AMPH: variants seen among roughly 807,000 people sequenced by gnomAD.
AMPH encodes the protein amphiphysin.
AMPH carries 49 observed loss-of-function variants against 99.1 expected under a neutral mutation model. That is an observed-to-expected ratio of 0.49 (90% CI 0.39 to 0.63). The LOEUF is 0.63. AMPH is among the 20% of genes least tolerant of loss of function. The pLI is 0.00. For synonymous variants in AMPH, 314 were observed against 317.3 expected, an observed-to-expected ratio of 0.99 and a Z score of 0.11; for missense variants, 759 against 863.4, an observed-to-expected ratio of 0.88 and a Z score of 1.52.
intron 17 of AMPH, among the ~76,000 whole-genome samples, chr7:38,403,133 G>A (rs926184424): frequency 3.3e-5 from 5 of 152,096 alleles, no homozygotes; most frequent in African/African-American, 9.7e-5. Context: ...AGTTACAGAC[G>A]AGTGGCCATG....
At chr7:38,532,349 G>A (rs1790431959) in intron 2 of AMPH, among the ~76,000 whole-genome samples, 1 of 152,076 alleles carries the variant, frequency 6.6e-6, no homozygotes, top group Non-Finnish European at 1.5e-5. Flanking sequence ...TATTTTCAAA[G>A]TGAACCAAAT....
chr7:38,608,724 G>T lies in AMPH; in HGVS notation c.69+22559C>A, dbSNP rs73126178. Among the ~76,000 whole-genome samples the T allele has an allele frequency of 8.4e-3, 1,280 of 152,300 alleles. 11 individuals are homozygous for T. The highest frequency in any genetic ancestry group is 0.014 in the Non-Finnish European group (981 of 68,038). On this transcript the variant is annotated intron_variant, in intron 1 of 20. Transcript: ENST00000356264. ...GCAAGAAGTGATGGTGGAAGGCCTGGCCCCCAGACACTGTCATCTGTGGTG... is the reference window on the plus strand; with the variant it reads ...GCAAGAAGTGATGGTGGAAGGCCTGTCCCCCAGACACTGTCATCTGTGGTG...
intron 1 of AMPH, among the ~76,000 whole-genome samples, chr7:38,551,720 A>G (rs1354371935): frequency 6.6e-6 from 1 of 152,168 alleles, no homozygotes; most frequent in Non-Finnish European, 1.5e-5. Context: ...TGCTAAGGAA[A>G]GAGGAGAGAG....
intron 1 of AMPH, among the ~76,000 whole-genome samples, chr7:38,571,372 A>G (rs1181311380): frequency 1.3e-5 from 1 of 76,462 alleles, no homozygotes; most frequent in African/African-American, 6.2e-5. Context: ...GAATATATAT[A>G]TTTTTATATA....
intron 17 of AMPH, among the ~76,000 whole-genome samples, chr7:38,398,568 G>C (rs2128978188): frequency 6.6e-6 from 1 of 152,218 alleles, no homozygotes; most frequent in South Asian, 2.1e-4. Context: ...GAAGTAGGGG[G>C]GATGGTTAAT....
intron 1 of AMPH, among the ~76,000 whole-genome samples, chr7:38,619,297 C>T (rs1793975448): frequency 1.3e-5 from 2 of 152,132 alleles, no homozygotes; most frequent in Non-Finnish European, 2.9e-5. Context: ...AAAGTTACTA[C>T]TAGAGACAAA....
At chr7:38,493,281 C>T (rs1352796290) in intron 4 of AMPH, among the ~76,000 whole-genome samples, 2 of 152,148 alleles carry the variant, frequency 1.3e-5, no homozygotes, top group African/African-American at 4.8e-5. Flanking sequence ...GCTGCAATAA[C>T]TCACCTGGAG....
intron 5 of AMPH, among the ~76,000 whole-genome samples, chr7:38,484,949 A>G (rs912017812): frequency 6.6e-6 from 1 of 151,946 alleles, no homozygotes; most frequent in Non-Finnish European, 1.5e-5. Flanking sequence ...TAAATTCTGT[A>G]ATAACCACAA....
Position 38,451,942 on chromosome 7 carries a change from T to A in AMPH, c.1017+9341A>T, listed in dbSNP as rs1787054184. 2.0e-5 allele frequency among the ~76,000 whole-genome samples: 3 copies of A among 152,254 alleles called. No homozygotes were observed. In the South Asian group the frequency reaches 6.2e-4, roughly 32 times the overall value. ...GAAAAGCAAGTAAACCATTGGGTCATAACCACGGGGCATCTCCCTACAAGC... is the reference window on the plus strand; with the variant it reads ...GAAAAGCAAGTAAACCATTGGGTCAAAACCACGGGGCATCTCCCTACAAGC... On this transcript the variant is annotated intron_variant, in intron 11 of 20. Coordinates refer to ENST00000356264, the MANE Select transcript of AMPH (RefSeq NM_001635.4).
intron 1 of AMPH, among the ~76,000 whole-genome samples, chr7:38,610,082 C>A (rs1202890241): frequency 1.3e-5 from 2 of 150,514 alleles, no homozygotes; most frequent in African/African-American, 4.9e-5. Flanking sequence ...ACTAAAAATA[C>A]AAAACTAGCT....
chr7:38,461,525 T>C, intron 10 of AMPH, 114 bp from the exon 11 acceptor site: 1 of 1,268,312 alleles, frequency 7.9e-7, no homozygotes, highest in South Asian at 1.3e-5. Flanking sequence ...GAAACTTGTA[T>C]CTGCATATAG....
At chr7:38,456,919 A>G (rs1787257611) in intron 11 of AMPH, among the ~76,000 whole-genome samples, 1 of 152,204 alleles carries the variant, frequency 6.6e-6, no homozygotes, top group Non-Finnish European at 1.5e-5. Context: ...TGTCCTCAGC[A>G]AAACTTTACC....
chr7:38,542,594 G>A (rs572285622), intron 1 of AMPH, among the ~76,000 whole-genome samples: 13 of 152,212 alleles, frequency 8.5e-5, no homozygotes, highest in South Asian at 2.1e-4. Flanking sequence ...GCCACAGAAC[G>A]GGTCTGTTCC....
At chr7:38,560,858 G>A (rs1216584846) in intron 1 of AMPH, among the ~76,000 whole-genome samples, 1 of 152,200 alleles carries the variant, frequency 6.6e-6, no homozygotes, top group Non-Finnish European at 1.5e-5. Context: ...TTGGTCTGGG[G>A]TGAGGCTGAA....
chr7:38,601,946 A>G (rs1331493750), intron 1 of AMPH, among the ~76,000 whole-genome samples: 15 of 152,222 alleles, frequency 9.9e-5, no homozygotes, highest in African/African-American at 3.6e-4. Flanking sequence ...TATTGCTCAG[A>G]TCCCAAAAGC....
At chr7:38,586,714 A>G (rs1792662910) in intron 1 of AMPH, among the ~76,000 whole-genome samples, 1 of 152,238 alleles carries the variant, frequency 6.6e-6, no homozygotes, top group African/African-American at 2.4e-5. Context: ...AGTAGGGGAC[A>G]CAGGTCCCAG....
chr7:38,540,234 C>T (rs781216482), intron 1 of AMPH, among the ~76,000 whole-genome samples: 3 of 152,178 alleles, frequency 2.0e-5, no homozygotes, highest in Admixed American at 6.5e-5. Context: ...TACATTGACA[C>T]GTTAGTATTT....
At chr7:38,608,600 G>A (rs1344174707) in intron 1 of AMPH, among the ~76,000 whole-genome samples, 2 of 152,124 alleles carry the variant, frequency 1.3e-5, no homozygotes, top group African/African-American at 2.4e-5. Context: ...CCTTTGCTGT[G>A]TATCTCCCCA....
chr7:38,482,703 C>T (rs763008978), intron 5 of AMPH, among the ~76,000 whole-genome samples: 10 of 152,078 alleles, frequency 6.6e-5, no homozygotes, highest in Non-Finnish European at 1.3e-4. Flanking sequence ...CCTTTATTTG[C>T]TTAGCTAAGT....
Sources: allele counts gnomAD v4.1 joint callset (sites outside exome capture counted in the v4.1 genomes callset), GRCh38; gene constraint gnomAD v4.1.1; transcripts MANE v1.5; gene names NCBI Gene and HGNC (gene_info 2026-07-23, HGNC 2026-07-21).